Variants in SLIT3 observed in about 807,000 individuals in gnomAD.
The protein encoded by SLIT3 is slit guidance ligand 3.
A neutral mutation model predicts 184.0 loss-of-function variants in SLIT3; 68 were observed. The ratio of observed to expected loss-of-function variants is 0.37; its 90% CI spans 0.30 to 0.45. The LOEUF is 0.45. SLIT3 is among the 20% of genes least tolerant of loss of function. The pLI, the probability that SLIT3 is intolerant of heterozygous loss-of-function variation, is 1.00. For synonymous variants in SLIT3, 831 were observed against 828.6 expected, an observed-to-expected ratio of 1.00 and a Z score of -0.05; for missense variants, 1,707 against 2,026.0, an observed-to-expected ratio of 0.84 and a Z score of 3.02.
intron 1 of SLIT3, among the ~76,000 whole-genome samples, chr5:169,277,309 T>C (rs1267392327): frequency 6.6e-6 from 1 of 152,176 alleles, no homozygotes; most frequent in African/African-American, 2.4e-5. Flanking sequence ...TGGCTCACCA[T>C]AGCCTCTACC....
chr5:168,677,978 A>G (rs546682763), intron 32 of SLIT3, among the ~76,000 whole-genome samples: 1 of 151,956 alleles, frequency 6.6e-6, no homozygotes, highest in South Asian at 2.1e-4. Flanking sequence ...GGCTCTGTAT[A>G]CTCCCACTGG....
At chr5:168,676,637 A>G (rs10076760) in intron 32 of SLIT3, among the ~76,000 whole-genome samples, 5,496 of 152,280 alleles carry the variant, frequency 0.036, 336 homozygotes, top group African/African-American at 0.12. Flanking sequence ...CTAACCACAC[A>G]TGCAAAAATA....
At chr5:169,188,098 C>G (rs993742637) in intron 4 of SLIT3, among the ~76,000 whole-genome samples, 4 of 152,174 alleles carry the variant, frequency 2.6e-5, no homozygotes, top group African/African-American at 9.7e-5. Context: ...GCTGGGACCA[C>G]AGGTGCAGGC....
intron 6 of SLIT3, among the ~76,000 whole-genome samples, chr5:168,830,119 G>C (rs187714284): frequency 6.6e-6 from 1 of 152,282 alleles, no homozygotes; most frequent in East Asian, 1.9e-4. Flanking sequence ...GTTATTGGCT[G>C]ACTCAGCTCT....
chr5:168,960,196 T>G (rs1260951269), intron 4 of SLIT3, among the ~76,000 whole-genome samples: 1 of 152,220 alleles, frequency 6.6e-6, no homozygotes, highest in Non-Finnish European at 1.5e-5. Context: ...TCTGTACCTA[T>G]GGTACCTGGC....
rs1285044290 is a variant in SLIT3, at chr5:168,773,748, G to A, written c.1295+487C>T. ...TGAGGATATACTTCCCATAGAGGAA[G>A]AGTGCCCACCTCAGATGCTTGGTTT... On this transcript the variant is annotated intron_variant, in intron 13 of 35. Coordinates refer to ENST00000519560, the MANE Select transcript of SLIT3 (RefSeq NM_003062.4). Among the ~76,000 whole-genome samples, 3 of 152,154 alleles carry A rather than the reference G, an allele frequency of 2.0e-5. No homozygotes were observed. In the East Asian group the frequency reaches 5.8e-4, roughly 29 times the overall value.
intron 16 of SLIT3, among the ~76,000 whole-genome samples, chr5:168,755,389 A>ATTTCTTTCTTTCT (rs1754860430): frequency 7.5e-6 from 1 of 133,640 alleles, no homozygotes; most frequent in African/African-American, 2.6e-5. Flanking sequence ...CAGTGCCGCC[A>ATTTCTTTCTTTCT]TTTCTTTCTT....
intron 4 of SLIT3, among the ~76,000 whole-genome samples, chr5:169,137,333 CACAG>C: frequency 7.7e-6 from 1 of 129,456 alleles, no homozygotes; most frequent in South Asian, 2.7e-4. Context: ...CACACACACA[CACAG>C]AGAGAGAGAG....
intron 4 of SLIT3, among the ~76,000 whole-genome samples, chr5:169,174,342 C>T (rs996695381): frequency 6.6e-6 from 1 of 152,202 alleles, no homozygotes; most frequent in South Asian, 2.1e-4. Context: ...CCACACACAG[C>T]CCCTGCGATA....
rs540626224 is a variant in SLIT3 at position 168,688,664 on chromosome 5, A to G, written c.3177-1548T>C. Among the ~76,000 whole-genome samples the G allele has an allele frequency of 3.3e-5, 5 of 152,334 alleles. No homozygotes were observed. The East Asian group carries it at 5.8e-4, about 18-fold the overall frequency. On this transcript the variant is annotated intron_variant, in intron 29 of 35. Transcript: ENST00000519560. ...CCAATTCACGTTTACTTGATTGGCA[A>G]ATTTGAAATACATAACCTATTGCTG... is the stretch of plus-strand genomic sequence containing the variant.
chr5:168,883,673 G>GC (rs10581698), intron 4 of SLIT3, among the ~76,000 whole-genome samples: 23 of 75,584 alleles, frequency 3.0e-4, no homozygotes, highest in Non-Finnish European at 5.0e-4. Context: ...ACAACCCCCT[G>GC]CCCCCCATCC....
chr5:169,169,860 C>T (rs1280150151), intron 4 of SLIT3, among the ~76,000 whole-genome samples: 2 of 152,238 alleles, frequency 1.3e-5, no homozygotes, highest in African/African-American at 2.4e-5. Context: ...AAAGCCCCAC[C>T]AGGCAGAGAA....
chr5:168,748,351 T>G lies in SLIT3; in HGVS notation c.2221A>C (p.Lys741Gln). 6.7e-7 allele frequency: 1 copy of G among 1,498,292 alleles called. No homozygotes were observed. Among genetic ancestry groups the G allele is most frequent in the Non-Finnish European group, 8.8e-7 (1 of 1,130,792 alleles). The allele number at this position is 1,498,292 out of a possible 1,614,324, so 92.8% of individuals were successfully genotyped here. Reference protein sequence around the residue: ...CMETVVRCSNKGLRALPRGMP... With the variant: ...CMETVVRCSNQGLRALPRGMP... The stretch of plus-strand genomic sequence containing the variant: ...CCTCTGGGGAGGGCGCGGAGCCCCT[T>G]GTTGCTGCATCGCACCACTGTCTCC... Residue 741 changes from lysine (K) to glutamine (Q), a missense_variant, in exon 20 of 36, where the codon AAG becomes CAG. Coordinates refer to ENST00000519560, the MANE Select transcript of SLIT3 (RefSeq NM_003062.4).
chr5:168,830,437 C>A (rs1757844064), intron 6 of SLIT3, among the ~76,000 whole-genome samples: 1 of 152,150 alleles, frequency 6.6e-6, no homozygotes, highest in Non-Finnish European at 1.5e-5. Context: ...ATAAAGCATC[C>A]TTAGAGAAAA....
chr5:168,984,762 A>G (rs949882132), intron 4 of SLIT3, among the ~76,000 whole-genome samples: 73 of 152,196 alleles, frequency 4.8e-4, no homozygotes, highest in South Asian at 8.3e-4. Context: ...GTTAAGTGTT[A>G]AACTGTGAGT....
intron 1 of SLIT3, among the ~76,000 whole-genome samples, chr5:169,273,459 A>G (rs1047817839): frequency 1.3e-5 from 2 of 152,202 alleles, no homozygotes; most frequent in Non-Finnish European, 2.9e-5. Context: ...CATGCAGCCA[A>G]ATGCTCTAGG....
intron 5 of SLIT3, among the ~76,000 whole-genome samples, chr5:168,858,682 A>AAATGG (rs1758993513): frequency 6.6e-6 from 1 of 152,250 alleles, no homozygotes; most frequent in East Asian, 1.9e-4. Flanking sequence ...TGATGGATAC[A>AAATGG]AATGGATGAG....
intron 4 of SLIT3, among the ~76,000 whole-genome samples, chr5:168,893,407 C>A (rs1760541744): frequency 6.6e-6 from 1 of 152,168 alleles, no homozygotes; most frequent in African/African-American, 2.4e-5. Flanking sequence ...AGGCTTTCAT[C>A]CCTAATTTGA....
At chr5:169,063,978 G>C (rs1758264624) in intron 4 of SLIT3, among the ~76,000 whole-genome samples, 1 of 152,102 alleles carries the variant, frequency 6.6e-6, no homozygotes, top group South Asian at 2.1e-4. Context: ...AGAATGATTT[G>C]AAAAAGCAGT....
Sources: gnomAD v4.1 joint callset for allele counts (sites outside exome capture counted in the v4.1 genomes callset) on GRCh38, gnomAD v4.1.1 for gene constraint, MANE v1.5 for transcripts, NCBI Gene and HGNC (gene_info 2026-07-23, HGNC 2026-07-21) for gene names.